Variants in CEP43 observed in about 807,000 individuals in gnomAD.
CEP43 encodes the protein FGFR1 oncogene partner.
Under a neutral mutation model 52.6 loss-of-function variants are expected in CEP43, and 36 were observed. The ratio of observed to expected loss-of-function variants is 0.68; its 90% CI spans 0.52 to 0.90. The LOEUF is 0.90. CEP43 is among the 40% of genes least tolerant of loss of function. The pLI, the probability that CEP43 is intolerant of heterozygous loss-of-function variation, is 0.00. For synonymous variants in CEP43, 192 were observed against 172.4 expected (o/e 1.11, Z -0.89); for missense variants, 506 against 472.8 (o/e 1.07, Z -0.65).
At chr6:167,025,839 C>T (rs180718988) in intron 9 of CEP43, among the ~76,000 whole-genome samples, 3 of 152,168 alleles carry the variant, frequency 2.0e-5, no homozygotes, top group African/African-American at 4.8e-5. Flanking sequence ...TTAGAGAGGA[C>T]GTTGAGAACA....
At position 167,040,032 on chromosome 6, in the gene CEP43, T is replaced by TTC; in HGVS notation, c.*55_*56insCT. 8.6e-7 allele frequency: 1 copy of TTC among 1,168,002 alleles called. No homozygotes were observed. Among genetic ancestry groups the TTC allele is most frequent in the Non-Finnish European group, 1.1e-6 (1 of 870,900 alleles). The allele number at this position is 1,168,002 out of a possible 1,614,324, so 72.4% of individuals were successfully genotyped here. A position where few individuals can be genotyped will look rare whatever the true frequency, so the allele number is the denominator to read the frequency against. On this transcript the variant is annotated 3_prime_UTR_variant, in exon 13 of 13. Coordinates refer to ENST00000366847, the MANE Select transcript of CEP43 (RefSeq NM_007045.4). ...AAGGACAGAGGACTGACCGGTTCCA[T>TTC]TTTTTTTTTTTCCAGACAATCACTC...
chr6:167,039,533 T>C (rs1313939873), intron 12 of CEP43, among the ~76,000 whole-genome samples: 2 of 152,258 alleles, frequency 1.3e-5, no homozygotes. Flanking sequence ...TTTCATGTTT[T>C]TGCAATTCGG....
intron 6 of CEP43, among the ~76,000 whole-genome samples, chr6:167,012,452 T>A (rs761915018): frequency 6.6e-6 from 1 of 152,158 alleles, no homozygotes; most frequent in Non-Finnish European, 1.5e-5. Flanking sequence ...TTTCTTTAAA[T>A]TAATTGCAAA....
In CEP43 at chr6:167,000,048, CTT is replaced by C. The variant is rs768165003; in HGVS notation, c.103-5_103-4del. The stretch of plus-strand genomic sequence containing the variant: ...GAAATTATAATTTCCTGTTTCTTAA[CTT>C]TTTTTTAAGGCTGAACTCCGAGCAG... On this transcript the variant is annotated splice_polypyrimidine_tract_variant and intron_variant, in intron 1 of 12. Coordinates refer to ENST00000366847, the MANE Select transcript of CEP43 (RefSeq NM_007045.4). The C allele has an allele frequency of 3.1e-6, 5 of 1,600,472 alleles. No homozygotes were observed.
In CEP43 at chr6:167,042,802, G is replaced by A. The variant is rs1780725536; in HGVS notation, c.*2824G>A. The A allele has an allele frequency of 6.6e-6, 1 of 152,556 alleles. No individual in the cohort carries two copies. Among genetic ancestry groups the A allele is most frequent in the South Asian group, 2.1e-4 (1 of 4,826 alleles). 9.5% of individuals were successfully genotyped at this position (152,556 alleles called of 1,614,324 possible). ...ATTCATCTCAGCATACTCTGAAATG[G>A]TCTTGCTTATTTTGTGTGTGTGTGT... On this transcript the variant is annotated 3_prime_UTR_variant, in exon 13 of 13. Coordinates refer to ENST00000366847, the MANE Select transcript of CEP43 (RefSeq NM_007045.4).
At chr6:167,002,862 G>A (rs970074100) in intron 2 of CEP43, among the ~76,000 whole-genome samples, 2 of 152,204 alleles carry the variant, frequency 1.3e-5, no homozygotes, top group African/African-American at 4.8e-5. Flanking sequence ...GTAGATACCT[G>A]AGATGACAAA....
At chr6:167,027,844 G>A (rs901874732) in intron 10 of CEP43, 4 of 985,036 alleles carry the variant, frequency 4.1e-6, no homozygotes, top group South Asian at 4.7e-5. Flanking sequence ...TTCTTTTTAC[G>A]TTACTTTTCC....
intron 10 of CEP43, chr6:167,027,978 C>T: frequency 1.0e-6 from 1 of 986,090 alleles, no homozygotes; most frequent in Non-Finnish European, 1.2e-6. Flanking sequence ...GTCCTGGTTG[C>T]TGGCTGGCCA....
At chr6:167,004,193 A>G in intron 4 of CEP43, 71 bp from the exon 5 acceptor site, 3 of 1,464,114 alleles carry the variant, frequency 2.0e-6, no homozygotes, top group South Asian at 2.8e-5. Context: ...AACTCTGAAA[A>G]TATCTTCTTT....
intron 3 of CEP43, chr6:167,003,515 A>G (rs1315814350): frequency 3.7e-6 from 2 of 537,024 alleles, no homozygotes; most frequent in Non-Finnish European, 6.5e-6. Flanking sequence ...TGATTGTCTT[A>G]CAGTTAGTTA....
In CEP43 at chr6:167,003,625, C is replaced by T. The variant is rs775834364; in HGVS notation, c.212-98C>T. 1.2e-5 allele frequency: 8 copies of T among 684,484 alleles called. No homozygotes were observed. The Admixed American group carries it at 2.0e-4, about 17-fold the overall frequency. 42.4% of individuals were successfully genotyped at this position (684,484 alleles called of 1,614,324 possible). On this transcript the variant is annotated intron_variant, in intron 3 of 12. Coordinates refer to ENST00000366847, the MANE Select transcript of CEP43 (RefSeq NM_007045.4). ...TTTGTAACTTAAAAAATTTAGAAAC[C>T]TTTCTTCCATTAATTTAGTGTATCT...
rs148360536 is a variant in CEP43 at position 167,019,368 on chromosome 6, G to A, written c.580-3041G>A. Among the ~76,000 whole-genome samples the A allele has an allele frequency of 2.0e-3, 310 of 152,276 alleles. 1 individual carries two copies. Among genetic ancestry groups the A allele is most frequent in the African/African-American group, 7.1e-3 (297 of 41,552 alleles). ...AGGAGCCACTGAAACTGCTCTCAGC[G>A]TTTTCAGTGCTTTGGTTTTAATCTG... is the stretch of plus-strand genomic sequence containing the variant. On this transcript the variant is annotated intron_variant, in intron 7 of 12. Coordinates refer to ENST00000366847, the MANE Select transcript of CEP43 (RefSeq NM_007045.4).
intron 5 of CEP43, among the ~76,000 whole-genome samples, chr6:167,007,778 C>T (rs1200556053): frequency 3.9e-5 from 6 of 152,282 alleles, no homozygotes; most frequent in South Asian, 2.1e-4. Flanking sequence ...GTGCCCCACC[C>T]GCTTTAACCT....
In CEP43 at chr6:167,042,563, C is replaced by A; in HGVS notation, c.*2585C>A. ...GCCCATGCACCAGAGCTGTGCCAGC[C>A]CACTGCTGCACAGCCTCTGCACCTG... is the stretch of plus-strand genomic sequence containing the variant. On this transcript the variant is annotated 3_prime_UTR_variant, in exon 13 of 13. Transcript: ENST00000366847. 1 of 166,266 alleles carries A rather than the reference C, an allele frequency of 6.0e-6. No individual in the cohort carries two copies. 10.3% of individuals were successfully genotyped at this position (166,266 alleles called of 1,614,324 possible).
chr6:167,003,698 C>T, intron 3 of CEP43, 25 bp from the exon 4 acceptor site: 2 of 1,480,108 alleles, frequency 1.4e-6, no homozygotes. Context: ...GATTTGCTTA[C>T]TTACCTTTTT....
chr6:167,026,717 C>G, intron 10 of CEP43, 102 bp downstream of exon 10: 1 of 697,806 alleles, frequency 1.4e-6, no homozygotes, highest in Middle Eastern at 2.4e-4. Context: ...GAGCACCTTC[C>G]TGCTGCTGCT....
Position 167,040,516 on chromosome 6 carries a change from T to C in CEP43, c.*538T>C. On this transcript the variant is annotated 3_prime_UTR_variant, in exon 13 of 13. Transcript: ENST00000366847. ...TGATGTGTCAACTTTATTTTGTATT[T>C]CCTTCCATTTGGAAGGTTTGTTAGA... 1 of 1,122,248 alleles carries C rather than the reference T, an allele frequency of 8.9e-7. No individual in the cohort carries two copies. The highest frequency in any genetic ancestry group is 3.9e-4 in the Middle Eastern group (1 of 2,582). The allele number at this position is 1,122,248 out of a possible 1,614,324, so 69.5% of individuals were successfully genotyped here.
intron 12 of CEP43, among the ~76,000 whole-genome samples, chr6:167,037,366 A>G (rs1780605324): frequency 1.3e-5 from 1 of 74,266 alleles, no homozygotes; most frequent in African/African-American, 2.9e-5. Context: ...ACACTCAATT[A>G]CTTTGTAAAC....
rs1447300446 is a variant in CEP43 at position 167,040,292 on chromosome 6, G to T, written c.*314G>T. 2.1e-6 allele frequency: 3 copies of T among 1,461,338 alleles called. No homozygotes were observed. Among genetic ancestry groups the T allele is most frequent in the Non-Finnish European group, 2.7e-6 (3 of 1,116,300 alleles). The allele number at this position is 1,461,338 out of a possible 1,614,324, so 90.5% of individuals were successfully genotyped here. On this transcript the variant is annotated 3_prime_UTR_variant, in exon 13 of 13. Transcript: ENST00000366847. ...CAGTGTTAAGAGCATGATGAAAGGT[G>T]TCAATAAAGCCGTAGGATCGCGCAA...
Sources: gnomAD v4.1 joint callset for allele counts (sites outside exome capture counted in the v4.1 genomes callset) on GRCh38, gnomAD v4.1.1 for gene constraint, MANE v1.5 for transcripts, NCBI Gene and HGNC (gene_info 2026-07-23, HGNC 2026-07-21) for gene names.